SLC25A48: variants seen among roughly 807,000 people sequenced by gnomAD.
SLC25A48 encodes CTC-321K16.1.
In SLC25A48, 29 loss-of-function variants were observed where a neutral mutation model predicts 32.2. The observed-to-expected ratio is 0.90, with a 90% confidence interval of 0.67 to 1.23. SLC25A48 has a LOEUF of 1.23. Ranked by LOEUF, SLC25A48 falls within the 50% of genes most tolerant of loss-of-function variation. The pLI is 0.00. For synonymous variants in SLC25A48, 164 were observed against 172.3 expected (o/e 0.95, Z 0.38); for missense variants, 399 against 422.7 (o/e 0.94, Z 0.49).
intron 3 of SLC25A48, among the ~76,000 whole-genome samples, chr5:135,804,257 AT>A (rs1757407454): frequency 4.0e-5 from 6 of 151,730 alleles, no homozygotes; most frequent in Admixed American, 3.9e-4. Context: ...CCCCCGTGAC[AT>A]TAAGTGTAAT....
intron 3 of SLC25A48, among the ~76,000 whole-genome samples, chr5:135,653,383 C>T (rs1580757217): frequency 1.3e-5 from 2 of 152,284 alleles, no homozygotes; most frequent in East Asian, 3.9e-4. Flanking sequence ...CTTCCATACC[C>T]ACTAGTAAAA....
intron 3 of SLC25A48, among the ~76,000 whole-genome samples, chr5:135,678,281 T>C (rs961328802): frequency 1.3e-5 from 2 of 152,320 alleles, no homozygotes; most frequent in African/African-American, 2.4e-5. Flanking sequence ...AGTTCTGAAA[T>C]GTTTTTATTC....
In SLC25A48 at chr5:135,858,036, G is replaced by A. The variant is rs1760476030; in HGVS notation, c.421+5215G>A. Among the ~76,000 whole-genome samples the A allele has an allele frequency of 1.3e-5, 2 of 152,306 alleles. 1 individual carries two copies. The highest frequency in any genetic ancestry group is 6.8e-3 in the Middle Eastern group (2 of 294). ...GGAGGTGCTGACATGTCTCAGGATA[G>A]GTAAGATTCCCCGAGCCTCCTGTAT... On this transcript the variant is annotated intron_variant, in intron 4 of 7. Coordinates refer to ENST00000681962, the MANE Select transcript of SLC25A48 (RefSeq NM_001349336.2).
At chr5:135,790,328 T>A (rs762996907) in intron 3 of SLC25A48, among the ~76,000 whole-genome samples, 1 of 151,868 alleles carries the variant, frequency 6.6e-6, no homozygotes, top group Non-Finnish European at 1.5e-5. Context: ...TATACTCTGT[T>A]ATATTATTCA....
At chr5:135,640,279 T>G (rs1393922727) in intron 3 of SLC25A48, among the ~76,000 whole-genome samples, 6 of 152,098 alleles carry the variant, frequency 3.9e-5, no homozygotes, top group Non-Finnish European at 8.8e-5. Flanking sequence ...TATGGGAAAA[T>G]AGCAAGCAAT....
chr5:135,664,833 G>A (rs1381382183), intron 3 of SLC25A48, among the ~76,000 whole-genome samples: 3 of 152,126 alleles, frequency 2.0e-5, no homozygotes, highest in Non-Finnish European at 4.4e-5. Flanking sequence ...GTCGATGGGT[G>A]CTTAGGTTGG....
intron 1 of SLC25A48, among the ~76,000 whole-genome samples, chr5:135,600,053 T>C (rs1751757615): frequency 6.6e-6 from 1 of 152,208 alleles, no homozygotes; most frequent in Non-Finnish European, 1.5e-5. Flanking sequence ...ATCTCACTCA[T>C]CACTTTTGCT....
intron 2 of SLC25A48, among the ~76,000 whole-genome samples, chr5:135,850,046 G>C (rs1759715876): frequency 6.6e-6 from 1 of 152,212 alleles, no homozygotes; most frequent in South Asian, 2.1e-4. Flanking sequence ...GAGGCCTAGG[G>C]TGGTGGTTCT....
chr5:135,723,380 T>TCTCACACACACACA (rs1356362581), intron 3 of SLC25A48, among the ~76,000 whole-genome samples: 113 of 111,746 alleles, frequency 1.0e-3, no homozygotes, highest in Non-Finnish European at 6.4e-4. Context: ...TCTCTCTCTC[T>TCTCACACACACACA]CACACACACA....
At chr5:135,806,914 T>C (rs961172605) in intron 3 of SLC25A48, among the ~76,000 whole-genome samples, 4 of 147,582 alleles carry the variant, frequency 2.7e-5, no homozygotes, top group Non-Finnish European at 5.9e-5. Flanking sequence ...ATGTCATTGA[T>C]ATTTTATTAA....
chr5:135,803,809 C>A (rs144883285), intron 3 of SLC25A48, among the ~76,000 whole-genome samples: 117 of 151,640 alleles, frequency 7.7e-4, no homozygotes, highest in Middle Eastern at 3.4e-3. Context: ...AGATATTACT[C>A]CTCATATAAC....
chr5:135,703,910 C>A (rs1442556431), intron 3 of SLC25A48, among the ~76,000 whole-genome samples: 5 of 152,242 alleles, frequency 3.3e-5, no homozygotes, highest in Non-Finnish European at 7.3e-5. Flanking sequence ...GAAAGGACCA[C>A]AGAGTCATGA....
At chr5:135,585,824 T>C (rs1291534482) in intron 1 of SLC25A48, among the ~76,000 whole-genome samples, 5 of 152,170 alleles carry the variant, frequency 3.3e-5, no homozygotes, top group Non-Finnish European at 5.9e-5. Context: ...TGAGCTGATA[T>C]AGAACAAACA....
At chr5:135,747,877 G>C (rs2127005866) in intron 3 of SLC25A48, among the ~76,000 whole-genome samples, 1 of 152,328 alleles carries the variant, frequency 6.6e-6, no homozygotes, top group East Asian at 1.9e-4. Context: ...TGAGGAAACT[G>C]AGGCTTAAAG....
At chr5:135,810,861 G>C (rs577250183) in intron 3 of SLC25A48, among the ~76,000 whole-genome samples, 8 of 152,152 alleles carry the variant, frequency 5.3e-5, no homozygotes, top group Non-Finnish European at 1.0e-4. Context: ...CACTCGCAAG[G>C]GTTCTCTGGC....
intron 1 of SLC25A48, among the ~76,000 whole-genome samples, chr5:135,598,801 A>C (rs929923161): frequency 6.6e-6 from 1 of 152,146 alleles, no homozygotes; most frequent in African/African-American, 2.4e-5. Flanking sequence ...GGCTCTGTAC[A>C]TCATAAAGTG....
At chr5:135,824,368 A>G (rs2304074) in intron 4 of SLC25A48, 111,041 of 152,278 alleles carry the variant, frequency 0.73, 41,619 homozygotes, top group Middle Eastern at 0.86. Context: ...GGAATTCAGG[A>G]TGCAGTAACA....
At chr5:135,622,621 C>T (rs1752350261) in intron 1 of SLC25A48, among the ~76,000 whole-genome samples, 1 of 151,614 alleles carries the variant, frequency 6.6e-6, no homozygotes, top group Non-Finnish European at 1.5e-5. Context: ...TAATCAGAGA[C>T]ATAGAGAAAA....
chr5:135,584,066 G>A (rs1751299992), intron 1 of SLC25A48, among the ~76,000 whole-genome samples: 1 of 152,234 alleles, frequency 6.6e-6, no homozygotes, highest in Admixed American at 6.5e-5. Context: ...GGACAGCCAG[G>A]CAGTATTGAA....
Sources: allele counts gnomAD v4.1 joint callset (sites outside exome capture counted in the v4.1 genomes callset), GRCh38; gene constraint gnomAD v4.1.1; transcripts MANE v1.5; gene names NCBI Gene and HGNC (gene_info 2026-07-23, HGNC 2026-07-21).